PAM: variants seen among roughly 807,000 people sequenced by gnomAD.
PAM encodes the protein peptidylglycine alpha-amidating monooxygenase, also known as peptidyl-glycine alpha-amidating monooxygenase.
Under a neutral mutation model 122.1 loss-of-function variants are expected in PAM, and 72 were observed. The ratio of observed to expected loss-of-function variants is 0.59; its 90% CI spans 0.49 to 0.72. The LOEUF (loss-of-function observed/expected upper bound fraction) is 0.72. Among genes scored for constraint, PAM ranks in the 30% least tolerant of loss-of-function variants. The pLI is 0.00. For synonymous variants in PAM, 389 were observed against 404.4 expected (o/e 0.96, Z 0.46); for missense variants, 1,106 against 1,183.7 (o/e 0.93, Z 0.96).
chr5:102,974,170 A>G lies in PAM; in HGVS notation c.1217A>G (p.His406Arg), dbSNP rs1276809189. 6.2e-7 allele frequency: 1 copy of G among 1,613,686 alleles called. No individual in the cohort carries two copies. The highest frequency in any genetic ancestry group is 8.5e-7 in the Non-Finnish European group (1 of 1,179,760). Residue 406 changes from histidine (H) to arginine (R), a missense_variant, in exon 15 of 26, where the codon CAT (histidine) becomes CGT (arginine). Physicochemically the swap from His to Arg is conservative, Grantham distance 29. Transcript: ENST00000438793. ...KLLGEREDVVHVHKYNPTEKA... is the reference protein window; with the variant it reads ...KLLGEREDVVRVHKYNPTEKA... ...CTAGGAGAAAGGGAAGATGTTGTTCATGTGCACAAATATAATCCTACAGAA... is the reference window on the plus strand; with the variant it reads ...CTAGGAGAAAGGGAAGATGTTGTTCGTGTGCACAAATATAATCCTACAGAA...
At chr5:102,900,255 G>A (rs1003155292) in intron 3 of PAM, among the ~76,000 whole-genome samples, 3 of 82,848 alleles carry the variant, frequency 3.6e-5, no homozygotes, top group Admixed American at 2.4e-4. Flanking sequence ...GTGTGTGTGT[G>A]GGGGGGGGGC....
chr5:102,938,497 TGG>T lies in PAM; in HGVS notation c.527-8338_527-8337del, dbSNP rs373173126. On this transcript the variant is annotated intron_variant, in intron 7 of 25. Transcript: ENST00000438793. ...AGCAGAGCGTAAGTGATGTCTTTTT[TGG>T]GAAAAGAAAAGCTTTCCTACATGCA... Among the ~76,000 whole-genome samples, 247 of 152,306 alleles carry T rather than the reference TGG, an allele frequency of 1.6e-3. 2 individuals are homozygous for T. The highest frequency in any genetic ancestry group is 0.011 in the South Asian group (53 of 4,820).
chr5:102,812,832 C>T (rs916257558), intron 1 of PAM, among the ~76,000 whole-genome samples: 4 of 151,912 alleles, frequency 2.6e-5, no homozygotes, highest in African/African-American at 4.8e-5. Context: ...ATCAAAAATA[C>T]CTCCATAAAT....
chr5:102,954,610 A>G (rs774926875), intron 12 of PAM, among the ~76,000 whole-genome samples: 2 of 152,028 alleles, frequency 1.3e-5, no homozygotes, highest in African/African-American at 2.4e-5. Context: ...ACAACATAGT[A>G]CTACTAATTG....
chr5:103,027,761 G>A (rs941350254), intron 24 of PAM, among the ~76,000 whole-genome samples: 8 of 151,886 alleles, frequency 5.3e-5, no homozygotes, highest in African/African-American at 1.9e-4. Context: ...AACCAAAGAT[G>A]GAAAAATTTT....
At position 103,017,329 on chromosome 5, in the gene PAM, G is replaced by T; in HGVS notation, c.2332-5G>T. The T allele has an allele frequency of 6.3e-7, 1 of 1,580,892 alleles. No homozygotes were observed. The highest frequency in any genetic ancestry group is 1.3e-5 in the African/African-American group (1 of 74,286). On this transcript the variant is annotated splice_region_variant and splice_polypyrimidine_tract_variant and intron_variant, in intron 21 of 25. Coordinates refer to ENST00000438793, the MANE Select transcript of PAM (RefSeq NM_001177306.2). ...ACTCTAATGTGTAGCTTCTTATTTT[G>T]GCAGCACTTTGATATGCCTCATGAT...
Position 102,930,902 on chromosome 5 carries a change from C to T in PAM, c.526+4234C>T, listed in dbSNP as rs1017394315. Among the ~76,000 whole-genome samples, 7 of 152,160 alleles carry T rather than the reference C, an allele frequency of 4.6e-5. No homozygotes were observed. In the South Asian group the frequency reaches 1.0e-3, roughly 23 times the overall value. ...ACTCTAATTAGAAATGAATGTCCCA[C>T]GTAGGTGATAGTATGTATGGTACCA... On this transcript the variant is annotated intron_variant, in intron 7 of 25. Transcript: ENST00000438793.
At chr5:103,002,912 A>G (rs550931315) in intron 16 of PAM, 121 bp from the exon 17 acceptor site, 93 of 646,154 alleles carry the variant, frequency 1.4e-4, no homozygotes, top group Admixed American at 5.2e-4. Flanking sequence ...TGTGGCAGAC[A>G]AAGAGTGAAG....
intron 12 of PAM, among the ~76,000 whole-genome samples, chr5:102,952,001 A>G (rs978259646): frequency 6.6e-6 from 1 of 152,100 alleles, no homozygotes. Flanking sequence ...ACATGAGGTA[A>G]CATGATTCAG....
intron 15 of PAM, among the ~76,000 whole-genome samples, chr5:102,977,732 G>A (rs566104847): frequency 7.1e-4 from 107 of 151,506 alleles, no homozygotes; most frequent in African/African-American, 2.5e-3. Context: ...AGTTCTGTAT[G>A]TGGCCAAAAT....
intron 23 of PAM, among the ~76,000 whole-genome samples, chr5:103,021,634 G>A (rs1322625818): frequency 6.6e-6 from 1 of 152,150 alleles, no homozygotes; most frequent in Non-Finnish European, 1.5e-5. Context: ...TGCCTTGACA[G>A]TCCAGTTTTA....
intron 1 of PAM, chr5:102,865,479 A>T (rs1785272776): frequency 6.6e-6 from 1 of 152,146 alleles, no homozygotes; most frequent in Admixed American, 6.5e-5. Flanking sequence ...TATTTAGAGC[A>T]TTTTTGGTGA....
intron 3 of PAM, among the ~76,000 whole-genome samples, chr5:102,879,053 CGA>C (rs1790129515): frequency 6.6e-6 from 1 of 152,026 alleles, no homozygotes; most frequent in African/African-American, 2.4e-5. Flanking sequence ...CTCAGCCTCC[CGA>C]GTAGCTGGGA....
chr5:102,927,824 TA>T (rs1750126674), intron 7 of PAM, among the ~76,000 whole-genome samples: 1 of 150,954 alleles, frequency 6.6e-6, no homozygotes, highest in Non-Finnish European at 1.5e-5. Context: ...AACTTAGAAA[TA>T]AAATTTATTT....
intron 1 of PAM, among the ~76,000 whole-genome samples, chr5:102,847,457 AGTAAGAAG>A (rs746523402): frequency 2.0e-5 from 3 of 152,180 alleles, no homozygotes; most frequent in African/African-American, 4.8e-5. Flanking sequence ...TTTTTTGCCA[AGTAAGAAG>A]ACAACTTCAG....
chr5:102,904,934 GT>G, intron 4 of PAM, among the ~76,000 whole-genome samples: 1 of 151,566 alleles, frequency 6.6e-6, no homozygotes, highest in African/African-American at 2.4e-5. Flanking sequence ...GTATATGCCT[GT>G]TATATTTACA....
intron 3 of PAM, among the ~76,000 whole-genome samples, chr5:102,876,185 G>T (rs565702953): frequency 6.6e-6 from 1 of 152,192 alleles, no homozygotes; most frequent in African/African-American, 2.4e-5. Context: ...CAATATGCTA[G>T]TAAATTCTTT....
chr5:102,779,693 G>A (rs1360920384), intron 1 of PAM, among the ~76,000 whole-genome samples: 1 of 151,534 alleles, frequency 6.6e-6, no homozygotes, highest in Non-Finnish European at 1.5e-5. Context: ...AATGTGAAGA[G>A]GTGAGACTGG....
At chr5:102,957,998 A>G (rs182393045) in intron 12 of PAM, among the ~76,000 whole-genome samples, 3 of 152,314 alleles carry the variant, frequency 2.0e-5, no homozygotes, top group East Asian at 1.9e-4. Context: ...AACAATTTCC[A>G]TTTATGCAAC....
Sources: gnomAD v4.1 joint callset for allele counts (sites outside exome capture counted in the v4.1 genomes callset) on GRCh38, gnomAD v4.1.1 for gene constraint, MANE v1.5 for transcripts, NCBI Gene and HGNC (gene_info 2026-07-23, HGNC 2026-07-21) for gene names.